Variants in TTC8 observed in about 807,000 individuals in gnomAD.
The protein encoded by TTC8 is tetratricopeptide repeat protein 8.
A neutral mutation model predicts 72.5 loss-of-function variants in TTC8; 47 were observed. That is an observed-to-expected ratio of 0.65 (90% CI 0.51 to 0.83). The LOEUF is 0.83. Among genes scored for constraint, TTC8 ranks in the 40% least tolerant of loss-of-function variants. TTC8 has a pLI of 0.00. For synonymous variants in TTC8, 199 were observed against 221.4 expected (o/e 0.90, Z 0.90); for missense variants, 611 against 623.2 (o/e 0.98, Z 0.21).
intron 9 of TTC8, 100 bp from the exon 10 acceptor site, chr14:88,861,122 T>C: frequency 1.1e-6 from 1 of 928,194 alleles, no homozygotes; most frequent in African/African-American, 1.7e-5. Flanking sequence ...TTTAATGTAA[T>C]ATCTAGGAGA....
At chr14:88,869,118 AAC>A (rs2094922994) in intron 10 of TTC8, among the ~76,000 whole-genome samples, 1 of 152,168 alleles carries the variant, frequency 6.6e-6, no homozygotes, top group Non-Finnish European at 1.5e-5. Flanking sequence ...TCACATAATA[AAC>A]ACCATGTAAG....
intron 2 of TTC8, among the ~76,000 whole-genome samples, chr14:88,839,241 A>G (rs1053657179): frequency 2.6e-5 from 4 of 152,096 alleles, no homozygotes; most frequent in Non-Finnish European, 5.9e-5. Flanking sequence ...TCTATTTACT[A>G]TGTAATTGAT....
At chr14:88,839,668 TTA>T in intron 3 of TTC8, 96 bp downstream of exon 3, 1 of 1,352,132 alleles carries the variant, frequency 7.4e-7, no homozygotes, top group Non-Finnish European at 1.0e-6. Flanking sequence ...TTTCTACACT[TTA>T]TATATATAAA....
At chr14:88,853,564 A>G (rs1233040786) in intron 8 of TTC8, among the ~76,000 whole-genome samples, 1 of 152,198 alleles carries the variant, frequency 6.6e-6, no homozygotes, top group East Asian at 1.9e-4. Flanking sequence ...AAAAAAATTG[A>G]GCCTCACAAA....
Position 88,877,494 on chromosome 14 carries a change from G to A in TTC8, c.*84G>A. ...CTATGTCTGTGTATGTATGTATATA[G>A]TGTAATACGTATATTTTAACAAACC... On this transcript the variant is annotated 3_prime_UTR_variant, in exon 15 of 15. Coordinates refer to ENST00000380656, the MANE Select transcript of TTC8 (RefSeq NM_144596.4). 9.4e-7 allele frequency: 1 copy of A among 1,068,412 alleles called. No homozygotes were observed. The highest frequency in any genetic ancestry group is 1.5e-6 in the Non-Finnish European group (1 of 685,548). 66.2% of individuals were successfully genotyped at this position (1,068,412 alleles called of 1,614,324 possible).
At chr14:88,842,646 T>C (rs2094787275) in intron 6 of TTC8, among the ~76,000 whole-genome samples, 1 of 152,206 alleles carries the variant, frequency 6.6e-6, no homozygotes, top group African/African-American at 2.4e-5. Flanking sequence ...GAAGCATTTT[T>C]CTCAATTAAA....
At chr14:88,836,255 C>T (rs1462880661) in intron 2 of TTC8, among the ~76,000 whole-genome samples, 1 of 152,010 alleles carries the variant, frequency 6.6e-6, no homozygotes, top group Non-Finnish European at 1.5e-5. Flanking sequence ...CTTTAGGAGG[C>T]CAAAGCAGGA....
At chr14:88,851,751 CT>C (rs1414755408) in intron 7 of TTC8, among the ~76,000 whole-genome samples, 1 of 151,804 alleles carries the variant, frequency 6.6e-6, no homozygotes, top group East Asian at 1.9e-4. Context: ...TGTGTGGCTT[CT>C]TTTTAATTTT....
At chr14:88,839,653 A>G in intron 3 of TTC8, 81 bp downstream of exon 3, 1 of 1,473,606 alleles carries the variant, frequency 6.8e-7, no homozygotes, top group Non-Finnish European at 9.4e-7. Context: ...ATATATGCCT[A>G]TATATTTCTA....
chr14:88,833,727 A>G lies in TTC8; in HGVS notation c.144+5A>G. ...CCTGAATTGCCAGTGCATCAGGTAAAGAAAGGTTTAGCTGCAACCTTTAGT... is the reference window on the plus strand; with the variant it reads ...CCTGAATTGCCAGTGCATCAGGTAAGGAAAGGTTTAGCTGCAACCTTTAGT... On this transcript the variant is annotated splice_donor_5th_base_variant and intron_variant, in intron 2 of 14. Transcript: ENST00000380656. 3 of 1,613,358 alleles carry G rather than the reference A, an allele frequency of 1.9e-6. No homozygotes were observed. Among genetic ancestry groups the G allele is most frequent in the Non-Finnish European group, 2.5e-6 (3 of 1,179,452 alleles).
chr14:88,854,895 C>T (rs1431732629), intron 8 of TTC8, among the ~76,000 whole-genome samples: 1 of 152,086 alleles, frequency 6.6e-6, no homozygotes, highest in Non-Finnish European at 1.5e-5. Flanking sequence ...CTATGTTGCC[C>T]AAGGTGGTCT....
intron 1 of TTC8, among the ~76,000 whole-genome samples, chr14:88,825,056 T>G (rs548446679): frequency 7.8e-4 from 119 of 152,312 alleles, no homozygotes; most frequent in African/African-American, 2.7e-3. Flanking sequence ...CTCACAATTT[T>G]CAGCCTCCCC....
At chr14:88,870,898 T>C (rs911342522) in intron 11 of TTC8, among the ~76,000 whole-genome samples, 3 of 152,110 alleles carry the variant, frequency 2.0e-5, no homozygotes, top group African/African-American at 7.2e-5. Flanking sequence ...ACCCCCAAAG[T>C]GGGTCATGGG....
chr14:88,873,027 G>A (rs2094941955), intron 13 of TTC8, among the ~76,000 whole-genome samples: 1 of 152,178 alleles, frequency 6.6e-6, no homozygotes. Context: ...AGAACAACCT[G>A]AGAGATTTTT....
At chr14:88,842,110 A>T (rs1429864318) in intron 6 of TTC8, among the ~76,000 whole-genome samples, 1 of 152,182 alleles carries the variant, frequency 6.6e-6, no homozygotes, top group Non-Finnish European at 1.5e-5. Flanking sequence ...AAAAAGAAAA[A>T]TAAAGGAAGG....
intron 10 of TTC8, among the ~76,000 whole-genome samples, chr14:88,864,252 T>C (rs1324456984): frequency 1.3e-5 from 2 of 152,230 alleles, no homozygotes; most frequent in Admixed American, 1.3e-4. Context: ...TTTTTATAAA[T>C]GTATAAATAG....
Position 88,824,653 on chromosome 14 carries a change from T to TCCA in TTC8, c.-53_-51dup. On this transcript the variant is annotated 5_prime_UTR_variant, in exon 1 of 15. Coordinates refer to ENST00000380656, the MANE Select transcript of TTC8 (RefSeq NM_144596.4). Reference sequence around the variant, plus strand: ...GAGTCGGACGCCGCCAGCTCTTCACTCCACGCCCACCTCTCTCCTGGAGCG... The same window carrying TCCA: ...GAGTCGGACGCCGCCAGCTCTTCACTCCACCACGCCCACCTCTCTCCTGGAGCG... The TCCA allele has an allele frequency of 6.8e-7, 1 of 1,474,496 alleles. No individual in the cohort carries two copies. Among genetic ancestry groups the TCCA allele is most frequent in the African/African-American group, 1.4e-5 (1 of 71,774 alleles). 91.3% of individuals were successfully genotyped at this position (1,474,496 alleles called of 1,614,324 possible).
At chr14:88,879,235 G>T (rs368235797), downstream of TTC8, 7 of 152,162 alleles carry the variant, frequency 4.6e-5, no homozygotes, top group African/African-American at 1.7e-4. Flanking sequence ...GACTGTATCA[G>T]AAGCGACATT....
chr14:88,864,670 G>C (rs1016498774), intron 10 of TTC8, among the ~76,000 whole-genome samples: 1 of 152,190 alleles, frequency 6.6e-6, no homozygotes, highest in African/African-American at 2.4e-5. Context: ...TAGCTGTAGG[G>C]ACAATCATGC....
Sources: gnomAD v4.1 joint callset for allele counts (sites outside exome capture counted in the v4.1 genomes callset) on GRCh38, gnomAD v4.1.1 for gene constraint, MANE v1.5 for transcripts, NCBI Gene and HGNC (gene_info 2026-07-23, HGNC 2026-07-21) for gene names.